PTPRM: variants seen among roughly 807,000 people sequenced by gnomAD.
PTPRM encodes the protein protein tyrosine phosphatase receptor type M.
Under a neutral mutation model 186.7 loss-of-function variants are expected in PTPRM, and 47 were observed. The ratio of observed to expected loss-of-function variants is 0.25; its 90% confidence interval spans 0.20 to 0.32. PTPRM has a LOEUF of 0.32. Ranked by LOEUF, PTPRM falls within the 10% of genes least tolerant of loss-of-function variation. The pLI is 1.00. For missense variants in PTPRM, 1,494 were observed against 1,865.0 expected, an observed-to-expected ratio of 0.80 and a Z score of 3.66; for synonymous variants, 668 against 674.9, an observed-to-expected ratio of 0.99 and a Z score of 0.16.
rs1568099420 is a variant in PTPRM at position 7,766,932 on chromosome 18, G to A, written c.74-7217G>A. ...GGTAATACATGTTTATATTTGCATGGCTTTTGTTCTGTAACATGTTAATTG... is the reference window on the plus strand; with the variant it reads ...GGTAATACATGTTTATATTTGCATGACTTTTGTTCTGTAACATGTTAATTG... On this transcript the variant is annotated intron_variant, in intron 1 of 32. Transcript: ENST00000580170. Among the ~76,000 whole-genome samples the A allele has an allele frequency of 3.9e-5, 6 of 152,194 alleles. No homozygotes were observed. The South Asian group carries it at 1.2e-3, about 32-fold the overall frequency.
Position 8,148,501 on chromosome 18 carries a change from A to G in PTPRM, c.2300+4722A>G, listed in dbSNP as rs546930329. Among the ~76,000 whole-genome samples, 13 of 151,860 alleles carry G rather than the reference A, an allele frequency of 8.6e-5. No homozygotes were observed. In the East Asian group the frequency reaches 2.1e-3, roughly 25 times the overall value. On this transcript the variant is annotated intron_variant, in intron 14 of 32. Coordinates refer to ENST00000580170, the MANE Select transcript of PTPRM (RefSeq NM_001105244.2). ...TGTGGGATCAGTGGTGATATCCCCTATATCTTTTTTTATTACACATCTATT... is the reference window on the plus strand; with the variant it reads ...TGTGGGATCAGTGGTGATATCCCCTGTATCTTTTTTTATTACACATCTATT...
chr18:7,911,118 T>C (rs2050241607), intron 4 of PTPRM, among the ~76,000 whole-genome samples: 1 of 152,248 alleles, frequency 6.6e-6, no homozygotes, highest in Admixed American at 6.5e-5. Context: ...TCACTCCTTC[T>C]TAAAACCAAA....
At chr18:7,676,044 A>AT (rs893213362) in intron 1 of PTPRM, among the ~76,000 whole-genome samples, 8 of 151,952 alleles carry the variant, frequency 5.3e-5, no homozygotes, top group African/African-American at 1.7e-4. Context: ...GCCTTTCAGC[A>AT]TTTTTTTAAC....
intron 2 of PTPRM, among the ~76,000 whole-genome samples, chr18:7,790,997 C>A (rs1275609650): frequency 6.6e-6 from 1 of 151,512 alleles, no homozygotes; most frequent in Admixed American, 6.6e-5. Flanking sequence ...TTTAAAGGAG[C>A]TGGTAGTTTG....
rs1384069026 is a variant in PTPRM, at chr18:8,011,087, T to C, written c.1132+55673T>C. On this transcript the variant is annotated intron_variant, in intron 7 of 32. Coordinates refer to ENST00000580170, the MANE Select transcript of PTPRM (RefSeq NM_001105244.2). ...GTATTTTGATTTAAGAAAATCTAGA[T>C]TGGAATAAATGGAGTGTCTATTCCG... Among the ~76,000 whole-genome samples, 13 of 152,216 alleles carry C rather than the reference T, an allele frequency of 8.5e-5. No individual in the cohort carries two copies. The East Asian group carries it at 1.9e-3, about 23-fold the overall frequency.
intron 14 of PTPRM, among the ~76,000 whole-genome samples, chr18:8,154,385 G>T (rs2093076078): frequency 1.3e-5 from 2 of 152,276 alleles, no homozygotes; most frequent in African/African-American, 4.8e-5. Flanking sequence ...TGTGCTGTTG[G>T]TCATAAAGAC....
intron 14 of PTPRM, among the ~76,000 whole-genome samples, chr18:8,150,394 T>C (rs2092978245): frequency 1.3e-5 from 2 of 152,316 alleles, no homozygotes; most frequent in African/African-American, 4.8e-5. Context: ...TTTCATTAAG[T>C]TGATCTTCAG....
At chr18:8,120,096 G>A (rs2092114337) in intron 13 of PTPRM, among the ~76,000 whole-genome samples, 1 of 152,014 alleles carries the variant, frequency 6.6e-6, no homozygotes, top group African/African-American at 2.4e-5. Flanking sequence ...AACTACGCAG[G>A]TCTGCTCTTG....
At chr18:8,264,178 G>C (rs974786694) in intron 19 of PTPRM, among the ~76,000 whole-genome samples, 7 of 152,340 alleles carry the variant, frequency 4.6e-5, no homozygotes, top group Non-Finnish European at 8.8e-5. Context: ...GCAGTGTTCT[G>C]TGCTGGGCTG....
At chr18:8,031,178 A>G (rs542913619) in intron 7 of PTPRM, among the ~76,000 whole-genome samples, 95 of 152,356 alleles carry the variant, frequency 6.2e-4, no homozygotes, top group Admixed American at 2.2e-3. Flanking sequence ...TAGTTAGCAC[A>G]TGCTAATCAC....
intron 1 of PTPRM, among the ~76,000 whole-genome samples, chr18:7,616,826 T>A (rs2037817163): frequency 6.6e-6 from 1 of 152,154 alleles, no homozygotes; most frequent in Admixed American, 6.5e-5. Context: ...CTGCCTGTTC[T>A]CACTCGCATG....
chr18:7,570,397 T>C (rs565891982), intron 1 of PTPRM, among the ~76,000 whole-genome samples: 2 of 152,338 alleles, frequency 1.3e-5, no homozygotes, highest in East Asian at 1.9e-4. Flanking sequence ...AAGAGCTAGA[T>C]TGTAAGCTCC....
chr18:7,580,613 T>C (rs1414268222), intron 1 of PTPRM, among the ~76,000 whole-genome samples: 1 of 152,210 alleles, frequency 6.6e-6, no homozygotes, highest in African/African-American at 2.4e-5. Context: ...GCACTAAGTA[T>C]GTGCTAAATA....
At chr18:8,341,991 T>TCC (rs1297317713) in intron 22 of PTPRM, among the ~76,000 whole-genome samples, 1 of 152,180 alleles carries the variant, frequency 6.6e-6, no homozygotes, top group African/African-American at 2.4e-5. Context: ...CCAAAGGGAT[T>TCC]AGATGCAGAG....
chr18:8,387,301 T>A, intron 31 of PTPRM, 66 bp downstream of exon 31: 1 of 1,461,046 alleles, frequency 6.8e-7, no homozygotes, highest in Non-Finnish European at 9.3e-7. Flanking sequence ...CACCTCCTAG[T>A]TCTCTGACTT....
At chr18:8,329,819 G>C (rs2148148545) in intron 22 of PTPRM, among the ~76,000 whole-genome samples, 1 of 152,102 alleles carries the variant, frequency 6.6e-6, no homozygotes, top group Admixed American at 6.6e-5. Context: ...TTTTTCAAGA[G>C]ACATGGTCTC....
intron 4 of PTPRM, among the ~76,000 whole-genome samples, 189 bp downstream of exon 4, chr18:7,906,772 A>G (rs2050007024): frequency 6.6e-6 from 1 of 152,348 alleles, no homozygotes; most frequent in African/African-American, 2.4e-5. Flanking sequence ...CATGGTTTGT[A>G]TAAGTCTTTT....
At chr18:8,147,697 TGAGA>T (rs2092917174) in intron 14 of PTPRM, among the ~76,000 whole-genome samples, 2 of 152,194 alleles carry the variant, frequency 1.3e-5, no homozygotes, top group East Asian at 3.8e-4. Flanking sequence ...TAGGAGTGAG[TGAGA>T]GAGGACATCC....
intron 7 of PTPRM, among the ~76,000 whole-genome samples, chr18:7,987,491 G>T (rs1362619613): frequency 2.6e-5 from 4 of 152,108 alleles, no homozygotes; most frequent in African/African-American, 9.7e-5. Flanking sequence ...ATGTTTCTTG[G>T]CAGGCTCCCT....
Sources: allele counts gnomAD v4.1 joint callset (sites outside exome capture counted in the v4.1 genomes callset), GRCh38; gene constraint gnomAD v4.1.1; transcripts MANE v1.5; gene names NCBI Gene and HGNC (gene_info 2026-07-23, HGNC 2026-07-21).